The following MARK4 variants were observed in gnomAD, a reference collection of about 807,000 sequenced individuals.
MARK4 encodes the protein microtubule affinity regulating kinase 4.
A neutral mutation model predicts 81.5 loss-of-function variants in MARK4; 19 were observed. That is an observed-to-expected ratio of 0.23 (90% confidence interval 0.16 to 0.34). The LOEUF (loss-of-function observed/expected upper bound fraction) is 0.34. Among genes scored for constraint, MARK4 ranks in the 10% least tolerant of loss-of-function variants. The pLI, the probability that MARK4 is intolerant of heterozygous loss-of-function variation, is 1.00. For missense variants in MARK4, 772 were observed against 1,058.8 expected, an observed-to-expected ratio of 0.73 and a Z score of 3.76; for synonymous variants, 436 against 439.0, an observed-to-expected ratio of 0.99 and a Z score of 0.08.
At position 45,274,350 on chromosome 19, in the gene MARK4, G is replaced by T. The variant is rs746228980; in HGVS notation, c.786+2642G>T. Among the ~76,000 whole-genome samples, 9 of 152,226 alleles carry T rather than the reference G, an allele frequency of 5.9e-5. 1 individual carries two copies. The highest frequency in any genetic ancestry group is 2.2e-4 in the African/African-American group (9 of 41,550). ...AGTGCTCATTCAAGACAGCCTTCTGGCCGGGCACGGTGGCTCAGGCCTGTA... is the reference window on the plus strand; with the variant it reads ...AGTGCTCATTCAAGACAGCCTTCTGTCCGGGCACGGTGGCTCAGGCCTGTA... On this transcript the variant is annotated intron_variant, in intron 8 of 16. Transcript: ENST00000262891.
chr19:45,281,103 AGTGCAGTGGT>A (rs1970668439), intron 12 of MARK4, among the ~76,000 whole-genome samples: 1 of 151,460 alleles, frequency 6.6e-6, no homozygotes, highest in Admixed American at 6.6e-5. Context: ...CTCAGGCTGT[AGTGCAGTGGT>A]GTGATCTTGG....
intron 1 of MARK4, among the ~76,000 whole-genome samples, chr19:45,258,622 C>T (rs1970339976): frequency 6.6e-6 from 1 of 151,880 alleles, no homozygotes; most frequent in South Asian, 2.1e-4. Flanking sequence ...ATGGCTTGAA[C>T]CCGGGAGGCA....
chr19:45,266,403 G>C, intron 7 of MARK4, 122 bp downstream of exon 7: 1 of 911,004 alleles, frequency 1.1e-6, no homozygotes, highest in Admixed American at 1.8e-5. Context: ...TTCTCCTCCT[G>C]CTCTTCCCTC....
Position 45,299,769 on chromosome 19 carries a change from C to A in MARK4, c.1878-42C>A. On this transcript the variant is annotated intron_variant, in intron 15 of 16. Coordinates refer to ENST00000262891, the MANE Select transcript of MARK4 (RefSeq NM_001199867.2). ...CAGTGGGTTGCGGGAGGTGGGTTCCCTATGTCCAGATTAGACACTCTGTCC... is the reference window on the plus strand; with the variant it reads ...CAGTGGGTTGCGGGAGGTGGGTTCCATATGTCCAGATTAGACACTCTGTCC... The A allele has an allele frequency of 2.6e-6, 4 of 1,548,560 alleles. No individual in the cohort carries two copies. The African/African-American group carries it at 4.1e-5, about 16-fold the overall frequency.
chr19:45,269,715 T>C (rs1198945607), intron 7 of MARK4, among the ~76,000 whole-genome samples: 1 of 152,228 alleles, frequency 6.6e-6, no homozygotes, highest in South Asian at 2.1e-4. Flanking sequence ...AGATTCTAGT[T>C]GTGCTGCTTT....
At chr19:45,261,660 G>A (rs191467534) in intron 2 of MARK4, among the ~76,000 whole-genome samples, 1 of 152,270 alleles carries the variant, frequency 6.6e-6, no homozygotes, top group Admixed American at 6.5e-5. Flanking sequence ...CAGACTGGGT[G>A]CGGTGGCTCA....
At chr19:45,255,711 TGTC>T (rs1457168899) in intron 1 of MARK4, among the ~76,000 whole-genome samples, 1 of 152,226 alleles carries the variant, frequency 6.6e-6, no homozygotes, top group Non-Finnish European at 1.5e-5. Context: ...AAACGTTAGT[TGTC>T]GTTGCTATCA....
chr19:45,294,929 G>A (rs1232113469), intron 14 of MARK4, among the ~76,000 whole-genome samples: 2 of 152,122 alleles, frequency 1.3e-5, no homozygotes, highest in Non-Finnish European at 2.9e-5. Flanking sequence ...TCCAGGATGA[G>A]GACACTGCCC....
At chr19:45,280,346 G>T in intron 10 of MARK4, 28 bp from the exon 11 acceptor site, 1 of 1,595,844 alleles carries the variant, frequency 6.3e-7, no homozygotes, top group South Asian at 1.1e-5. Flanking sequence ...CTGGGAGTCT[G>T]AAACTTCTCT....
Position 45,287,464 on chromosome 19 carries a change from C to G in MARK4, c.1294C>G (p.Pro432Ala), listed in dbSNP as rs762538035. 14 of 1,468,396 alleles carry G rather than the reference C, an allele frequency of 9.5e-6. No homozygotes were observed. The South Asian group carries it at 1.9e-4, about 20-fold the overall frequency. 91.0% of individuals were successfully genotyped at this position (1,468,396 alleles called of 1,614,324 possible). The change falls in exon 13 of 17, where the codon CCC (proline) becomes GCC (alanine). Residue 432 changes from proline (P) to alanine (A), a missense_variant. This residue lies in a region of MARK4 where 548 missense variants were observed against 624.3 expected (regional missense o/e 0.88). Coordinates refer to ENST00000262891, the MANE Select transcript of MARK4 (RefSeq NM_001199867.2). Reference protein sequence around the residue: ...HSDFCGPSPAPLHPKRSPTST... With the variant: ...HSDFCGPSPAALHPKRSPTST... ...TCCCCCAGGTGGCCCATCCCCTGCA[C>G]CCCTGCACCCCAAACGCAGCCCGAC...
In MARK4 at chr19:45,287,525, TGCCAG is replaced by T; in HGVS notation, c.1359_1363del (p.Gly454GlufsTer49). ...GAGGCGGAGCTGAAGGAGGAGCGGC[TGCCAG>T]GCCGGAAGGCGAGCTGCAGCACCGC... On this transcript the variant is annotated frameshift_variant, in exon 13 of 17. Coordinates refer to ENST00000262891, the MANE Select transcript of MARK4 (RefSeq NM_001199867.2). LOFTEE classifies it high-confidence loss of function. The T allele has an allele frequency of 6.4e-7, 1 of 1,564,388 alleles. No individual in the cohort carries two copies. Among genetic ancestry groups the T allele is most frequent in the Non-Finnish European group, 8.7e-7 (1 of 1,152,394 alleles).
At chr19:45,282,245 AG>A (rs1360281598) in intron 12 of MARK4, among the ~76,000 whole-genome samples, 2 of 151,264 alleles carry the variant, frequency 1.3e-5, no homozygotes, top group African/African-American at 4.9e-5. Context: ...AAAAAAAAAA[AG>A]GATACACACC....
chr19:45,267,804 G>T (rs961628398), intron 7 of MARK4, among the ~76,000 whole-genome samples: 1 of 151,920 alleles, frequency 6.6e-6, no homozygotes, highest in Non-Finnish European at 1.5e-5. Flanking sequence ...GGAACCACAG[G>T]TGTGAGCCAC....
intron 1 of MARK4, among the ~76,000 whole-genome samples, chr19:45,255,124 A>T (rs1970290660): frequency 6.6e-6 from 1 of 151,488 alleles, no homozygotes; most frequent in East Asian, 1.9e-4. Context: ...ATTTGCTTGA[A>T]CCCAGGCAGT....
At chr19:45,252,018 CT>C (rs1970249502) in intron 1 of MARK4, among the ~76,000 whole-genome samples, 1 of 152,054 alleles carries the variant, frequency 6.6e-6, no homozygotes, top group African/African-American at 2.4e-5. Context: ...TGCAGGGCCC[CT>C]GACCCCCCAA....
At chr19:45,280,549 G>A (rs1970659016) in intron 11 of MARK4, 26 bp from the exon 12 acceptor site, 1 of 1,613,982 alleles carries the variant, frequency 6.2e-7, no homozygotes. Context: ...GGGTGCAGAA[G>A]AGCCTCATCT....
At chr19:45,263,393 A>C (rs376341393) in intron 4 of MARK4, 26 bp downstream of exon 4, 2 of 1,613,932 alleles carry the variant, frequency 1.2e-6, no homozygotes, top group African/African-American at 2.7e-5. Context: ...GAGCAGGGGC[A>C]GGCCACCAAC....
At chr19:45,253,967 G>A (rs890075390) in intron 1 of MARK4, among the ~76,000 whole-genome samples, 1 of 152,146 alleles carries the variant, frequency 6.6e-6, no homozygotes, top group African/African-American at 2.4e-5. Flanking sequence ...GTGCGGATTT[G>A]AGGATGGCTA....
intron 13 of MARK4, among the ~76,000 whole-genome samples, chr19:45,289,385 CAAAA>C (rs35129419): frequency 1.9e-5 from 1 of 51,528 alleles, no homozygotes; most frequent in Non-Finnish European, 3.5e-5. Context: ...GACTCTGTTT[CAAAA>C]AAAAAAAAAA....
Sources: gnomAD v4.1 joint callset for allele counts (sites outside exome capture counted in the v4.1 genomes callset) on GRCh38, gnomAD v4.1.1 for gene constraint, gnomAD v4.1.1 regional missense constraint, MANE v1.5 for transcripts, NCBI Gene and HGNC (gene_info 2026-07-23, HGNC 2026-07-21) for gene names.